Variants in ISG20L2 observed in about 807,000 individuals in gnomAD.
The protein encoded by ISG20L2 is interferon-stimulated 20 kDa exonuclease-like 2.
A neutral mutation model predicts 27.8 loss-of-function variants in ISG20L2; 14 were observed. The observed-to-expected ratio is 0.50, with a 90% CI of 0.33 to 0.79. ISG20L2 has a LOEUF of 0.79. Ranked by LOEUF, ISG20L2 falls within the 30% of genes least tolerant of loss-of-function variation. ISG20L2 has a pLI of 0.02. For missense variants in ISG20L2, 393 were observed against 435.1 expected (o/e 0.90, Z 0.86); for synonymous variants, 157 against 165.7 (o/e 0.95, Z 0.40).
chr1:156,724,427 A>T (rs112044207), intron 2 of ISG20L2, 79 bp from the exon 3 acceptor site: 50 of 1,425,304 alleles, frequency 3.5e-5, no homozygotes, highest in Non-Finnish European at 4.7e-5. Flanking sequence ...CAACATGACC[A>T]TCAATCCCTT....
chr1:156,723,489 TGAAGA>T, intron 3 of ISG20L2, 27 bp from the exon 4 acceptor site: 1 of 1,613,864 alleles, frequency 6.2e-7, no homozygotes, highest in Non-Finnish European at 8.5e-7. Flanking sequence ...GACAAGAGCA[TGAAGA>T]GAAAAGAAAC....
In ISG20L2 at chr1:156,722,071, A is replaced by G. The variant is rs1648562534; in HGVS notation, c.*1278T>C. Reference sequence around the variant, plus strand: ...CTTAGGAAAGAGACAGCTTTCCTAAATCACAGAAGTTGGTTTCCAAGCTAC... The same window carrying G: ...CTTAGGAAAGAGACAGCTTTCCTAAGTCACAGAAGTTGGTTTCCAAGCTAC... On this transcript the variant is annotated 3_prime_UTR_variant, in exon 4 of 4. Coordinates refer to ENST00000368219, the MANE Select transcript of ISG20L2 (RefSeq NM_001370150.2). 1 of 152,194 alleles carries G rather than the reference A, an allele frequency of 6.6e-6. No individual in the cohort carries two copies. Among genetic ancestry groups the G allele is most frequent in the African/African-American group, 2.4e-5 (1 of 41,448 alleles). 9.4% of individuals were successfully genotyped at this position (152,194 alleles called of 1,614,324 possible).
rs780553482 is a variant in ISG20L2, at chr1:156,727,383, C to A, written c.270G>T (p.Gln90His). The change falls in exon 2 of 4, where the codon CAG (glutamine) becomes CAT (histidine). Residue 90 changes from glutamine to histidine, a missense_variant. This residue lies in a region of ISG20L2 where 183 missense variants were observed against 168.2 expected (regional missense o/e 1.09). Transcript: ENST00000368219. The part of the protein sequence containing the change: ...KTAASSNGSG[Q>H]PLDKKAAVSW... ...ACACTGCAGCTTTCTTGTCCAGGGG[C>A]TGTCCTGACCCATTGCTGGAAGCAG... 1.2e-6 allele frequency: 2 copies of A among 1,614,200 alleles called. No individual in the cohort carries two copies. The highest frequency in any genetic ancestry group is 8.5e-7 in the Non-Finnish European group (1 of 1,180,038).
chr1:156,723,692 T>C, intron 3 of ISG20L2: 4 of 985,422 alleles, frequency 4.1e-6, no homozygotes, highest in Non-Finnish European at 4.8e-6. Context: ...TGGCAGTATG[T>C]ATAAGCCATA....
Position 156,724,259 on chromosome 1 carries a change from G to A in ISG20L2, c.837C>T (p.Leu279=). The change falls in exon 3 of 4, where the codon CTC becomes CTT. Residue 279 remains leucine (L), a synonymous_variant. Transcript: ENST00000368219. Reference sequence around the variant, plus strand: ...GGGGGATATGGGAGGTGTCACGGGTGAGGGACTTGGGGTGAAAGTACTGAA... The same window carrying A: ...GGGGGATATGGGAGGTGTCACGGGTAAGGGACTTGGGGTGAAAGTACTGAA... The part of the protein sequence containing the change: ...KALQYFHPKS[L]TRDTSHIPPL... The A allele has an allele frequency of 6.2e-7, 1 of 1,614,104 alleles. No individual in the cohort carries two copies. The highest frequency in any genetic ancestry group is 8.5e-7 in the Non-Finnish European group (1 of 1,179,976).
At chr1:156,727,825 G>A in intron 1 of ISG20L2, 56 bp from the exon 2 acceptor site, 2 of 1,435,156 alleles carry the variant, frequency 1.4e-6, no homozygotes, top group Non-Finnish European at 1.8e-6. Flanking sequence ...GAAAAATGAG[G>A]TAAGCTCGAT....
chr1:156,722,263 ATTTTTT>A lies in ISG20L2; in HGVS notation c.*1080_*1085del, dbSNP rs11443455. ...CATGGAAAGGGACCACACAATTTTA[ATTTTTT>A]TTTTTTTTTGAGACAGAGTCTCGCT... is the stretch of plus-strand genomic sequence containing the variant. On this transcript the variant is annotated 3_prime_UTR_variant, in exon 4 of 4. Coordinates refer to ENST00000368219, the MANE Select transcript of ISG20L2 (RefSeq NM_001370150.2). 6.9e-6 allele frequency: 1 copy of A among 144,218 alleles called. No homozygotes were observed. The highest frequency in any genetic ancestry group is 6.9e-5 in the Admixed American group (1 of 14,466). 8.9% of individuals were successfully genotyped at this position (144,218 alleles called of 1,614,324 possible). A position where few individuals can be genotyped will look rare whatever the true frequency, so the allele number is the denominator to read the frequency against.
At position 156,727,014 on chromosome 1, in the gene ISG20L2, G is replaced by A. The variant is rs200938811; in HGVS notation, c.639C>T (p.Asp213=). Reference sequence around the variant, plus strand: ...TGTGGCAGGGGGGAAGAATGTACTCGTCATAAAGCACATCTCCGTTGTAGT... The same window carrying A: ...TGTGGCAGGGGGGAAGAATGTACTCATCATAAAGCACATCTCCGTTGTAGT... ...IVNYNGDVLY[D]EYILPPCHIV... Residue 213 remains aspartate, a synonymous_variant, in exon 2 of 4, where the codon GAC becomes GAT. Transcript: ENST00000368219. 207 of 1,614,178 alleles carry A rather than the reference G, an allele frequency of 1.3e-4. No individual in the cohort carries two copies. The highest frequency in any genetic ancestry group is 1.6e-4 in the Non-Finnish European group (185 of 1,180,032).
At chr1:156,727,832 C>T in intron 1 of ISG20L2, 63 bp from the exon 2 acceptor site, 2 of 1,424,980 alleles carry the variant, frequency 1.4e-6, no homozygotes, top group Non-Finnish European at 1.8e-6. Context: ...GAGGTAAGCT[C>T]GATCTCCGTA....
At chr1:156,723,863 C>T (rs1571492317) in intron 3 of ISG20L2, 2 of 1,276,568 alleles carry the variant, frequency 1.6e-6, no homozygotes, top group African/African-American at 3.0e-5. Flanking sequence ...ACGAGCGGTC[C>T]TTGCATCCAC....
At chr1:156,723,829 T>C (rs1180333039) in intron 3 of ISG20L2, 1 of 1,242,962 alleles carries the variant, frequency 8.0e-7, no homozygotes, top group Non-Finnish European at 1.0e-6. Flanking sequence ...GGGCCACCCT[T>C]TGCTGAAATA....
At position 156,727,248 on chromosome 1, in the gene ISG20L2, G is replaced by A. The variant is rs1246131689; in HGVS notation, c.405C>T (p.Arg135=). The change falls in exon 2 of 4, where the codon CGC becomes CGT. Residue 135 remains arginine, a synonymous_variant. Transcript: ENST00000368219. ...TCTTCTGGGAGCTCTTCTTCTGAGA[G>A]CGGGTTGGGTGGCTATTGATCTTTG... ...ALPKINSHPT[R]SQKKSSQKKS... The A allele has an allele frequency of 6.2e-7, 1 of 1,614,104 alleles. No homozygotes were observed. The highest frequency in any genetic ancestry group is 8.5e-7 in the Non-Finnish European group (1 of 1,180,032).
chr1:156,728,487 C>G lies in ISG20L2; in HGVS notation c.-190G>C, dbSNP rs542253646. The G allele has an allele frequency of 1.3e-5, 13 of 985,528 alleles. No individual in the cohort carries two copies. Among genetic ancestry groups the G allele is most frequent in the Non-Finnish European group, 1.4e-5 (12 of 829,952 alleles). The allele number at this position is 985,528 out of a possible 1,614,324, so 61.0% of individuals were successfully genotyped here. On this transcript the variant is annotated 5_prime_UTR_variant, in exon 1 of 4. Transcript: ENST00000368219. ...GGAAATCGGTGCGCGCCGACGAAGC[C>G]CGGGAAGGCAGGCGCGCGGGTTAGA... is the stretch of plus-strand genomic sequence containing the variant.
At position 156,728,560 on chromosome 1, in the gene ISG20L2, G is replaced by T; in HGVS notation, c.-263C>A. 1.0e-6 allele frequency: 1 copy of T among 981,396 alleles called. No individual in the cohort carries two copies. The highest frequency in any genetic ancestry group is 1.2e-6 in the Non-Finnish European group (1 of 828,466). 60.8% of individuals were successfully genotyped at this position (981,396 alleles called of 1,614,324 possible). A position where few individuals can be genotyped will look rare whatever the true frequency, so the allele number is the denominator to read the frequency against. On this transcript the variant is annotated 5_prime_UTR_variant, in exon 1 of 4. Transcript: ENST00000368219. The stretch of plus-strand genomic sequence containing the variant: ...CACACCCGCACCGCCCCGACCCCAG[G>T]TAGTGAGGCCAGTGATTCCGAGTGT...
rs972672370 is a variant in ISG20L2 at position 156,728,412 on chromosome 1, T to G, written c.-118+3A>C. 6 of 985,462 alleles carry G rather than the reference T, an allele frequency of 6.1e-6. No individual in the cohort carries two copies. Among genetic ancestry groups the G allele is most frequent in the Non-Finnish European group, 7.2e-6 (6 of 829,890 alleles). 61.0% of individuals were successfully genotyped at this position (985,462 alleles called of 1,614,324 possible). A position where few individuals can be genotyped will look rare whatever the true frequency, so the allele number is the denominator to read the frequency against. Reference sequence around the variant, plus strand: ...GATCGATCTCTCACGCTCACAAACCTACCTCCCAGACGGGTCCAGCTAAGA... The same window carrying G: ...GATCGATCTCTCACGCTCACAAACCGACCTCCCAGACGGGTCCAGCTAAGA... On this transcript the variant is annotated splice_donor_region_variant and intron_variant, in intron 1 of 3. Coordinates refer to ENST00000368219, the MANE Select transcript of ISG20L2 (RefSeq NM_001370150.2).
At chr1:156,725,899 T>C in intron 2 of ISG20L2, 1 of 985,502 alleles carries the variant, frequency 1.0e-6, no homozygotes, top group South Asian at 4.7e-5. Context: ...TATAAGGCAT[T>C]ATGGGAACAG....
Position 156,727,457 on chromosome 1 carries a change from T to C in ISG20L2, c.196A>G (p.Thr66Ala). ...GGGGTCTTCCAAGTGCCATCGACCGTAGGAGTTTCCCCTTTCTTTGAAGGT... is the reference window on the plus strand; with the variant it reads ...GGGGTCTTCCAAGTGCCATCGACCGCAGGAGTTTCCCCTTTCTTTGAAGGT... ...SEPSKKGETP[T>A]VDGTWKTPSF... The change falls in exon 2 of 4, where the codon ACG (threonine) becomes GCG (alanine). Residue 66 changes from threonine to alanine, a missense_variant. Thr to Ala is a moderately conservative substitution (Grantham distance 58). Around this residue, in one of 3 missense-constraint regions of ISG20L2, gnomAD observed 183 missense variants for 168.2 expected, o/e 1.09. Transcript: ENST00000368219. 4 of 1,613,970 alleles carry C rather than the reference T, an allele frequency of 2.5e-6. No homozygotes were observed. The highest frequency in any genetic ancestry group is 2.5e-6 in the Non-Finnish European group (3 of 1,179,972).
Position 156,727,292 on chromosome 1 carries a change from C to T in ISG20L2, c.361G>A (p.Glu121Lys), listed in dbSNP as rs1283758815. 1 of 1,613,964 alleles carries T rather than the reference C, an allele frequency of 6.2e-7. No homozygotes were observed. Among genetic ancestry groups the T allele is most frequent in the Non-Finnish European group, 8.5e-7 (1 of 1,180,024 alleles). ...ATCTTTGGAAGGGCACTCTGGAACTCCCCCAGCAAATCTACTTTAGCAGCA... is the reference window on the plus strand; with the variant it reads ...ATCTTTGGAAGGGCACTCTGGAACTTCCCCAGCAAATCTACTTTAGCAGCA... ...SVAAKVDLLG[E>K]FQSALPKINS... Residue 121 changes from glutamate (E) to lysine (K), a missense_variant, in exon 2 of 4, where the codon GAG (glutamate) becomes AAG (lysine). Physicochemically the swap from Glu to Lys is moderately conservative, Grantham distance 56 (BLOSUM62 1). Transcript: ENST00000368219.
Position 156,727,641 on chromosome 1 carries a change from T to C in ISG20L2, c.12A>G (p.Leu4=), listed in dbSNP as rs1451682261. Residue 4 remains leucine (L), a synonymous_variant, in exon 2 of 4, where the codon TTA becomes TTG. Coordinates refer to ENST00000368219, the MANE Select transcript of ISG20L2 (RefSeq NM_001370150.2). Reference sequence around the variant, plus strand: ...GTTCCCCAAAATCCAGATTGAGCAGTAAAGTAGACATAGGGACAATGGAAG... The same window carrying C: ...GTTCCCCAAAATCCAGATTGAGCAGCAAAGTAGACATAGGGACAATGGAAG... MST[L]LLNLDFGEPP... is the part of the protein sequence containing the mutation. 1.9e-6 allele frequency: 3 copies of C among 1,612,528 alleles called. No homozygotes were observed. Among genetic ancestry groups the C allele is most frequent in the Non-Finnish European group, 2.5e-6 (3 of 1,179,720 alleles).
Sources: allele counts gnomAD v4.1 joint callset, GRCh38; gene constraint gnomAD v4.1.1; regional missense constraint gnomAD v4.1.1; transcripts MANE v1.5; gene names NCBI Gene and HGNC (gene_info 2026-07-23, HGNC 2026-07-21).